The following ROBO1 variants were observed in gnomAD, a reference collection of about 807,000 sequenced individuals.
The protein encoded by ROBO1 is roundabout guidance receptor 1.
Under a neutral mutation model 195.9 loss-of-function variants are expected in ROBO1, and 149 were observed. The ratio of observed to expected loss-of-function variants is 0.76; its 90% CI spans 0.67 to 0.87. The LOEUF (loss-of-function observed/expected upper bound fraction) is 0.87, where lower values mean the gene tolerates loss of function less well. ROBO1 is among the 40% of genes least tolerant of loss of function. The pLI is 0.00. For synonymous variants in ROBO1, 816 were observed against 733.2 expected (o/e 1.11, Z -1.82); for missense variants, 1,933 against 2,068.3 (o/e 0.93, Z 1.27).
At chr3:78,748,814 CT>C (rs2082721347) in intron 4 of ROBO1, among the ~76,000 whole-genome samples, 1 of 152,064 alleles carries the variant, frequency 6.6e-6, no homozygotes, top group African/African-American at 2.4e-5. Context: ...GAAACTACTG[CT>C]TCAAAGAGAA....
At chr3:78,790,500 C>T (rs567065076) in intron 4 of ROBO1, among the ~76,000 whole-genome samples, 154 of 152,226 alleles carry the variant, frequency 1.0e-3, no homozygotes, top group African/African-American at 3.5e-3. Flanking sequence ...TATTTTTGAA[C>T]GTACAATTGA....
chr3:79,162,698 T>C (rs2080991920), intron 2 of ROBO1, among the ~76,000 whole-genome samples: 1 of 152,168 alleles, frequency 6.6e-6, no homozygotes, highest in South Asian at 2.1e-4. Flanking sequence ...GCATTCATAA[T>C]AGGATTAGCC....
intron 2 of ROBO1, among the ~76,000 whole-genome samples, chr3:79,200,267 A>G (rs546612352): frequency 1.2e-4 from 18 of 151,918 alleles, no homozygotes; most frequent in African/African-American, 4.1e-4. Flanking sequence ...AAATTCACAC[A>G]ATGTAATTCT....
chr3:79,660,015 G>A (rs1029429370), intron 1 of ROBO1, among the ~76,000 whole-genome samples: 1 of 151,936 alleles, frequency 6.6e-6, no homozygotes, highest in African/African-American at 2.4e-5. Context: ...TGATTATATT[G>A]GTCAAGAATA....
intron 2 of ROBO1, among the ~76,000 whole-genome samples, chr3:79,518,671 T>G (rs1346073949): frequency 6.6e-6 from 1 of 151,680 alleles, no homozygotes. Context: ...TCTCCAAATC[T>G]TTTATTATTA....
chr3:79,405,213 T>C (rs557988827), intron 2 of ROBO1, among the ~76,000 whole-genome samples: 32 of 152,260 alleles, frequency 2.1e-4, no homozygotes, highest in South Asian at 1.0e-3. Context: ...TGATGTACTA[T>C]GTAGTTTTGA....
At chr3:79,638,464 C>T (rs916215890) in intron 1 of ROBO1, among the ~76,000 whole-genome samples, 1 of 152,140 alleles carries the variant, frequency 6.6e-6, no homozygotes, top group Non-Finnish European at 1.5e-5. Flanking sequence ...GATCTCGGCT[C>T]ACTGCAACCT....
chr3:79,286,275 T>A (rs1466821150), intron 2 of ROBO1, among the ~76,000 whole-genome samples: 3 of 152,188 alleles, frequency 2.0e-5, no homozygotes, highest in Non-Finnish European at 4.4e-5. Flanking sequence ...AACTTTCCCA[T>A]AAAATCCTTT....
At chr3:79,675,337 T>G (rs891047448) in intron 1 of ROBO1, among the ~76,000 whole-genome samples, 5 of 152,042 alleles carry the variant, frequency 3.3e-5, no homozygotes, top group Non-Finnish European at 7.4e-5. Flanking sequence ...TGTCTAAGAT[T>G]TGTTGAATCC....
At position 79,700,696 on chromosome 3, in the gene ROBO1, C is replaced by G. The variant is rs537456739; in HGVS notation, c.-51+67056G>C. 5.9e-5 allele frequency among the ~76,000 whole-genome samples: 9 copies of G among 151,788 alleles called. No homozygotes were observed. The East Asian group carries it at 1.6e-3, about 26-fold the overall frequency. ...TCTTTTGAAAAGTGCCTGTTAGTGT[C>G]TTTTGCCTACTTTTTAATGGGGTTA... On this transcript the variant is annotated intron_variant, in intron 1 of 30. Transcript: ENST00000464233.
chr3:78,631,052 G>T, intron 25 of ROBO1, 109 bp downstream of exon 25: 1 of 1,171,068 alleles, frequency 8.5e-7, no homozygotes. Flanking sequence ...GCAACTGTTT[G>T]TGGACCTTAG....
intron 2 of ROBO1, among the ~76,000 whole-genome samples, chr3:79,583,664 G>A: frequency 6.6e-6 from 1 of 151,894 alleles, no homozygotes; most frequent in South Asian, 2.1e-4. Context: ...TAAATTAAGA[G>A]ACATTTGGTA....
intron 3 of ROBO1, among the ~76,000 whole-genome samples, chr3:79,031,926 AG>A (rs1262023601): frequency 1.3e-5 from 2 of 152,172 alleles, no homozygotes; most frequent in Admixed American, 6.5e-5. Context: ...GATTTTATTT[AG>A]GGAGTTTGCA....
At chr3:79,647,029 T>C (rs925889003) in intron 1 of ROBO1, among the ~76,000 whole-genome samples, 2 of 152,026 alleles carry the variant, frequency 1.3e-5, no homozygotes, top group Non-Finnish European at 2.9e-5. Flanking sequence ...AATCATCTAG[T>C]GTAAGTTTCA....
chr3:79,626,825 T>C (rs975965764), intron 1 of ROBO1, among the ~76,000 whole-genome samples: 1 of 152,132 alleles, frequency 6.6e-6, no homozygotes, highest in Non-Finnish European at 1.5e-5. Flanking sequence ...AAAACAAATG[T>C]GCAAAAGTCA....
At chr3:79,766,711 G>A (rs990573958) in intron 1 of ROBO1, among the ~76,000 whole-genome samples, 4 of 152,096 alleles carry the variant, frequency 2.6e-5, no homozygotes, top group East Asian at 3.9e-4. Flanking sequence ...GCGCGCAGCC[G>A]CACCCGCGCC....
At chr3:79,101,897 A>T (rs2079682708) in intron 3 of ROBO1, among the ~76,000 whole-genome samples, 1 of 151,890 alleles carries the variant, frequency 6.6e-6, no homozygotes, top group African/African-American at 2.4e-5. Flanking sequence ...ATAAATGCAA[A>T]CAAGTTTTGT....
chr3:78,638,197 GTA>G (rs1368327749), intron 22 of ROBO1, among the ~76,000 whole-genome samples: 1 of 140,468 alleles, frequency 7.1e-6, no homozygotes, highest in East Asian at 2.0e-4. Context: ...ATATATGTGT[GTA>G]TGTGTGTATA....
At chr3:79,644,508 G>T (rs756964225) in intron 1 of ROBO1, among the ~76,000 whole-genome samples, 1 of 152,080 alleles carries the variant, frequency 6.6e-6, no homozygotes, top group Non-Finnish European at 1.5e-5. Context: ...GAGGCAACAG[G>T]CAAAGAAAGA....
Sources: gnomAD v4.1 joint callset for allele counts (sites outside exome capture counted in the v4.1 genomes callset) on GRCh38, gnomAD v4.1.1 for gene constraint, MANE v1.5 for transcripts, NCBI Gene and HGNC (gene_info 2026-07-23, HGNC 2026-07-21) for gene names.